The following ASIC2 variants were observed in gnomAD, a reference collection of about 807,000 sequenced individuals.
ASIC2 encodes acid-sensing ion channel 2.
A neutral mutation model predicts 57.3 loss-of-function variants in ASIC2; 25 were observed. The ratio of observed to expected loss-of-function variants is 0.44; its 90% CI spans 0.32 to 0.61. The LOEUF is 0.61. Among genes scored for constraint, ASIC2 ranks in the 20% least tolerant of loss-of-function variants. The pLI is 0.06. For missense variants in ASIC2, 641 were observed against 738.1 expected (o/e 0.87, Z 1.52); for synonymous variants, 319 against 307.5 (o/e 1.04, Z -0.39).
At position 34,120,546 on chromosome 17, in the gene ASIC2, G is replaced by A. The variant is rs182496962; in HGVS notation, c.555+35432C>T. ...TATTTCAGGGGGTAGGGGAGAAGAG[G>A]ATCAATTGTTATGGGTTGAATTGTA... On this transcript the variant is annotated intron_variant, in intron 1 of 9. Coordinates refer to the ASIC2 transcript ENST00000359872. 1.2e-3 allele frequency among the ~76,000 whole-genome samples: 181 copies of A among 151,690 alleles called. 1 individual carries two copies. The highest frequency in any genetic ancestry group is 3.4e-3 in the Middle Eastern group (1 of 294).
In ASIC2 at chr17:33,927,976, G is replaced by A. The variant is rs146374868; in HGVS notation, c.555+228002C>T. 5.4e-4 allele frequency among the ~76,000 whole-genome samples: 82 copies of A among 152,252 alleles called. 2 individuals are homozygous for A. The East Asian group carries it at 0.014, about 27-fold the overall frequency. Reference sequence around the variant, plus strand: ...ATCAGCTGTTTGATAATATTTGTCCGCTAATTTTGCTAATTGTGTGCTCAT... The same window carrying A: ...ATCAGCTGTTTGATAATATTTGTCCACTAATTTTGCTAATTGTGTGCTCAT... On this transcript the variant is annotated intron_variant, in intron 1 of 9. Transcript: ENST00000359872.
chr17:33,047,827 T>C (rs1334014796), intron 3 of ASIC2, among the ~76,000 whole-genome samples: 1 of 152,216 alleles, frequency 6.6e-6, no homozygotes, highest in African/African-American at 2.4e-5. Context: ...GATGCTGCCC[T>C]TCCTAGATGT....
intron 1 of ASIC2, among the ~76,000 whole-genome samples, chr17:33,631,629 C>G (rs958511839): frequency 1.3e-5 from 2 of 151,938 alleles, no homozygotes; most frequent in Non-Finnish European, 2.9e-5. Flanking sequence ...GGCACATTGA[C>G]AGAGAGGACA....
intron 1 of ASIC2, among the ~76,000 whole-genome samples, chr17:33,674,734 A>G (rs1478136295): frequency 6.6e-6 from 1 of 152,200 alleles, no homozygotes; most frequent in Non-Finnish European, 1.5e-5. Flanking sequence ...TGTGATATCC[A>G]GGGCTCTAGT....
At chr17:33,871,283 C>G (rs1370980396) in intron 1 of ASIC2, among the ~76,000 whole-genome samples, 1 of 152,194 alleles carries the variant, frequency 6.6e-6, no homozygotes, top group South Asian at 2.1e-4. Context: ...AGCAAGTTAA[C>G]ACCTTGAAGT....
intron 1 of ASIC2, among the ~76,000 whole-genome samples, chr17:33,758,172 G>A (rs1336889678): frequency 3.3e-5 from 5 of 151,722 alleles, no homozygotes; most frequent in East Asian, 1.9e-4. Context: ...TTTCTTAAAT[G>A]TGTGTGTGTG....
Position 33,023,986 on chromosome 17 carries a change from G to GT in ASIC2, c.1223dup (p.Tyr408Ter). 6.2e-7 allele frequency: 1 copy of GT among 1,614,228 alleles called. No homozygotes were observed. The highest frequency in any genetic ancestry group is 8.5e-7 in the Non-Finnish European group (1 of 1,180,030). ...LGLLAEKDSN[Y>*]CLCRTPCNLT... ...GGTTGCAGGGTGTCCTGCAGAGACAGTAATTGCTGTCCTTTTCCGCCAACA... is the reference window on the plus strand; with the variant it reads ...GGTTGCAGGGTGTCCTGCAGAGACAGTTAATTGCTGTCCTTTTCCGCCAACA... Residue 408 changes from tyrosine to a stop codon, truncating the protein, a stop_gained and frameshift_variant, in exon 6 of 10, where the codon TAC (tyrosine) becomes TAAC (stop). Transcript: ENST00000225823. LOFTEE classifies it high-confidence loss of function.
chr17:34,077,172 C>T (rs960101672), intron 1 of ASIC2, among the ~76,000 whole-genome samples: 1 of 152,180 alleles, frequency 6.6e-6, no homozygotes, highest in Non-Finnish European at 1.5e-5. Flanking sequence ...CACAGAGCCA[C>T]AGTGGAGACG....
intron 1 of ASIC2, among the ~76,000 whole-genome samples, chr17:34,101,813 T>G (rs2142101043): frequency 6.6e-6 from 1 of 152,276 alleles, no homozygotes; most frequent in African/African-American, 2.4e-5. Context: ...ACGGAAAAAT[T>G]CAAACGTCTG....
At chr17:33,813,715 C>T (rs532542900) in intron 1 of ASIC2, among the ~76,000 whole-genome samples, 2 of 152,358 alleles carry the variant, frequency 1.3e-5, no homozygotes, top group Admixed American at 6.5e-5. Context: ...GGATTACAGG[C>T]GTGAGCCACT....
intron 1 of ASIC2, among the ~76,000 whole-genome samples, chr17:33,755,142 G>T (rs1423469254): frequency 2.0e-5 from 3 of 152,038 alleles, no homozygotes; most frequent in African/African-American, 7.2e-5. Flanking sequence ...AGGAAGGCAG[G>T]GGGACATTTG....
intron 3 of ASIC2, among the ~76,000 whole-genome samples, chr17:33,078,422 A>G (rs1408142933): frequency 1.3e-5 from 2 of 152,236 alleles, no homozygotes; most frequent in Non-Finnish European, 2.9e-5. Context: ...TATTTAAGTT[A>G]CACCATATCT....
At position 34,139,050 on chromosome 17, in the gene ASIC2, T is replaced by G. The variant is rs78218459; in HGVS notation, c.555+16928A>C. 7.3e-3 allele frequency among the ~76,000 whole-genome samples: 1,107 copies of G among 152,318 alleles called. 16 individuals are homozygous for G. The highest frequency in any genetic ancestry group is 0.025 in the African/African-American group (1,054 of 41,570). ...ATTGGGAAATCACTATTTTGAAACC[T>G]CTAATGAAATTACTGATTCAGGTTC... On this transcript the variant is annotated intron_variant, in intron 1 of 9. Transcript: ENST00000359872.
chr17:33,354,863 C>G (rs1479061558), intron 1 of ASIC2, among the ~76,000 whole-genome samples: 1 of 152,168 alleles, frequency 6.6e-6, no homozygotes, highest in Non-Finnish European at 1.5e-5. Context: ...TCCCCTCTGC[C>G]TCTGTCCCCA....
At chr17:34,055,393 G>A (rs149447325) in intron 1 of ASIC2, among the ~76,000 whole-genome samples, 227 of 152,084 alleles carry the variant, frequency 1.5e-3, no homozygotes, top group African/African-American at 5.3e-3. Context: ...CCTCCCACTT[G>A]TTTACTGTCT....
At chr17:33,136,777 C>T (rs1469453613) in intron 1 of ASIC2, among the ~76,000 whole-genome samples, 4 of 152,184 alleles carry the variant, frequency 2.6e-5, no homozygotes. Flanking sequence ...AGGGCTGACC[C>T]TCATTGTTGG....
At chr17:33,810,743 G>GA (rs1912394414) in intron 1 of ASIC2, among the ~76,000 whole-genome samples, 1 of 151,984 alleles carries the variant, frequency 6.6e-6, no homozygotes, top group South Asian at 2.1e-4. Flanking sequence ...GTTATTTATA[G>GA]AAAAAAGGAA....
intron 1 of ASIC2, among the ~76,000 whole-genome samples, chr17:33,710,691 A>G (rs562341860): frequency 1.2e-4 from 18 of 152,308 alleles, no homozygotes; most frequent in South Asian, 6.2e-4. Flanking sequence ...TAATCATCTG[A>G]TTTTACAAAT....
intron 1 of ASIC2, among the ~76,000 whole-genome samples, chr17:33,774,420 G>A (rs1223307007): frequency 6.6e-6 from 1 of 152,068 alleles, no homozygotes; most frequent in Non-Finnish European, 1.5e-5. Flanking sequence ...GTCTGCCTTG[G>A]GCATAGATAT....
Sources: allele counts gnomAD v4.1 joint callset (sites outside exome capture counted in the v4.1 genomes callset), GRCh38; gene constraint gnomAD v4.1.1; transcripts MANE v1.5; gene names NCBI Gene and HGNC (gene_info 2026-07-23, HGNC 2026-07-21).